The following FSTL1 variants were observed in gnomAD, a reference collection of about 807,000 sequenced individuals.
FSTL1 encodes follistatin like 1.
FSTL1 carries 24 observed loss-of-function variants against 45.9 expected under a neutral mutation model. The observed-to-expected ratio is 0.52, with a 90% CI of 0.38 to 0.74. FSTL1 has a LOEUF of 0.74. Ranked by LOEUF, FSTL1 falls within the 30% of genes least tolerant of loss-of-function variation. The pLI is 0.00. For missense variants in FSTL1, 340 were observed against 381.8 expected, an observed-to-expected ratio of 0.89 and a Z score of 0.91; for synonymous variants, 120 against 137.6, an observed-to-expected ratio of 0.87 and a Z score of 0.89.
intron 2 of FSTL1, among the ~76,000 whole-genome samples, chr3:120,435,929 T>C (rs1937546449): frequency 6.6e-6 from 1 of 152,146 alleles, no homozygotes; most frequent in Non-Finnish European, 1.5e-5. Context: ...TTCTATTTGA[T>C]CAAATGTGTA....
At chr3:120,437,239 C>T (rs1298561528) in intron 2 of FSTL1, among the ~76,000 whole-genome samples, 3 of 152,130 alleles carry the variant, frequency 2.0e-5, no homozygotes, top group Non-Finnish European at 4.4e-5. Context: ...GTAATTAGCC[C>T]AACCCTTACA....
chr3:120,404,899 T>G lies in FSTL1; in HGVS notation c.535A>C (p.Ile179Leu). ...TGGTCTGGATACGTTGTAATATTGA[T>G]GGCAGTTTCATTCTGTTCCACAAAC... ...LKFVEQNETA[I>L]NITTYPDQEN... The change falls in exon 7 of 11, where the codon ATC becomes CTC. Residue 179 changes from isoleucine to leucine, a missense_variant. Coordinates refer to ENST00000295633, the MANE Select transcript of FSTL1 (RefSeq NM_007085.5). The G allele has an allele frequency of 6.2e-7, 1 of 1,604,200 alleles. No individual in the cohort carries two copies. The highest frequency in any genetic ancestry group is 8.5e-7 in the Non-Finnish European group (1 of 1,170,868).
At chr3:120,403,018 C>G in intron 8 of FSTL1, 100 bp from the exon 9 acceptor site, 3 of 818,914 alleles carry the variant, frequency 3.7e-6, no homozygotes, top group Non-Finnish European at 6.5e-6. Flanking sequence ...CCAGACAAGA[C>G]CTGCCTGTCC....
chr3:120,404,003 A>C (rs1442942221), intron 7 of FSTL1, among the ~76,000 whole-genome samples: 11 of 151,400 alleles, frequency 7.3e-5, no homozygotes, highest in African/African-American at 2.2e-4. Context: ...AACAAACAAA[A>C]AAAAACTCAG....
chr3:120,411,059 C>G, intron 4 of FSTL1, 75 bp from the exon 5 acceptor site: 1 of 998,682 alleles, frequency 1.0e-6, no homozygotes, highest in South Asian at 1.5e-5. Flanking sequence ...TCTAGGATTA[C>G]AGCTGCTCTA....
At chr3:120,429,523 TAG>T (rs1446164217) in intron 2 of FSTL1, among the ~76,000 whole-genome samples, 4 of 152,194 alleles carry the variant, frequency 2.6e-5, no homozygotes, top group African/African-American at 9.7e-5. Flanking sequence ...GTTTTTATTT[TAG>T]AGAGTGAGGA....
chr3:120,440,231 T>C (rs1937614317), intron 2 of FSTL1, among the ~76,000 whole-genome samples: 1 of 152,218 alleles, frequency 6.6e-6, no homozygotes, highest in African/African-American at 2.4e-5. Context: ...CAGAAGTAAA[T>C]GGACCTAATT....
chr3:120,446,064 G>C (rs1414629451), intron 2 of FSTL1, among the ~76,000 whole-genome samples: 1 of 138,510 alleles, frequency 7.2e-6, no homozygotes, highest in Non-Finnish European at 1.5e-5. Context: ...CTATTAACTG[G>C]TATCATTAAG....
chr3:120,444,127 T>C (rs1937686777), intron 2 of FSTL1, among the ~76,000 whole-genome samples: 1 of 149,906 alleles, frequency 6.7e-6, no homozygotes, highest in Admixed American at 6.6e-5. Context: ...CAAAATCTGG[T>C]GTAAGTGCTA....
At chr3:120,408,977 C>T (rs1350484150) in intron 6 of FSTL1, among the ~76,000 whole-genome samples, 2 of 152,212 alleles carry the variant, frequency 1.3e-5, no homozygotes, top group Non-Finnish European at 2.9e-5. Flanking sequence ...ATCTCTCCTG[C>T]TCCCAAGTGG....
At chr3:120,417,602 CAG>C (rs1390911611) in intron 2 of FSTL1, among the ~76,000 whole-genome samples, 2 of 152,190 alleles carry the variant, frequency 1.3e-5, no homozygotes, top group Admixed American at 6.5e-5. Flanking sequence ...TTTTCCTAAA[CAG>C]AGAGTGGAGA....
intron 2 of FSTL1, among the ~76,000 whole-genome samples, chr3:120,425,217 T>C (rs916512): frequency 0.25 from 38,254 of 151,928 alleles, 5,824 homozygotes; most frequent in Middle Eastern, 0.37. Context: ...CACAATGGTA[T>C]GAGAACTCTG....
At chr3:120,410,917 C>G (rs372496282) in intron 5 of FSTL1, 35 bp downstream of exon 5, 2 of 1,525,474 alleles carry the variant, frequency 1.3e-6, no homozygotes, top group African/African-American at 2.7e-5. Context: ...AATGTCCTCC[C>G]TGAGATGCAC....
rs1936850005 is a variant in FSTL1, at chr3:120,402,710, C to T, written c.805+98G>A. 12 of 801,948 alleles carry T rather than the reference C, an allele frequency of 1.5e-5. 1 individual carries two copies. Among genetic ancestry groups the T allele is most frequent in the South Asian group, 7.3e-5 (5 of 68,188 alleles). 49.7% of individuals were successfully genotyped at this position (801,948 alleles called of 1,614,324 possible). ...GCCTGGGTTCCTTGCTCCCAGCCACCGCCCTCTTCTCCATCATCCCCACCC... is the reference window on the plus strand; with the variant it reads ...GCCTGGGTTCCTTGCTCCCAGCCACTGCCCTCTTCTCCATCATCCCCACCC... On this transcript the variant is annotated intron_variant, in intron 9 of 10. Transcript: ENST00000295633.
At chr3:120,422,614 A>G (rs1397132563) in intron 2 of FSTL1, among the ~76,000 whole-genome samples, 3 of 152,208 alleles carry the variant, frequency 2.0e-5, no homozygotes, top group African/African-American at 2.4e-5. Flanking sequence ...GCCAGGCTCC[A>G]TGACATCCAG....
chr3:120,422,676 A>G (rs530550003), intron 2 of FSTL1, among the ~76,000 whole-genome samples: 6 of 152,162 alleles, frequency 3.9e-5, no homozygotes, highest in Admixed American at 2.6e-4. Context: ...AAAAAAATCT[A>G]TTATGAAGCT....
chr3:120,416,161 T>C, intron 2 of FSTL1, 134 bp from the exon 3 acceptor site: 8 of 701,764 alleles, frequency 1.1e-5, no homozygotes, highest in Non-Finnish European at 2.0e-5. Context: ...AGCTAGATGT[T>C]GGGTCTTAAA....
intron 2 of FSTL1, among the ~76,000 whole-genome samples, chr3:120,417,899 G>C (rs748983828): frequency 1.3e-5 from 2 of 152,154 alleles, no homozygotes; most frequent in Non-Finnish European, 2.9e-5. Context: ...CTATAAAGTA[G>C]GGGTAAATGC....
chr3:120,425,240 C>A (rs1036824213), intron 2 of FSTL1, among the ~76,000 whole-genome samples: 2 of 151,914 alleles, frequency 1.3e-5, no homozygotes, highest in Non-Finnish European at 2.9e-5. Flanking sequence ...AGCAAAGCAG[C>A]CGAGAGTAGA....
Sources: allele counts gnomAD v4.1 joint callset (sites outside exome capture counted in the v4.1 genomes callset), GRCh38; gene constraint gnomAD v4.1.1; transcripts MANE v1.5; gene names NCBI Gene and HGNC (gene_info 2026-07-23, HGNC 2026-07-21).